BRSK2: variants seen among roughly 807,000 people sequenced by gnomAD.
BRSK2 encodes the protein serine/threonine-protein kinase BRSK2.
BRSK2 carries 19 observed loss-of-function variants against 83.3 expected under a neutral mutation model. The ratio of observed to expected loss-of-function variants is 0.23; its 90% CI spans 0.16 to 0.33. The LOEUF is 0.33. Ranked by LOEUF, BRSK2 falls within the 10% of genes least tolerant of loss-of-function variation. The pLI is 1.00. For synonymous variants in BRSK2, 519 were observed against 435.4 expected, an observed-to-expected ratio of 1.19 and a Z score of -2.39; for missense variants, 798 against 1,042.3, an observed-to-expected ratio of 0.77 and a Z score of 3.23.
intron 1 of BRSK2, among the ~76,000 whole-genome samples, chr11:1,403,860 G>A (rs980538480): frequency 1.3e-5 from 2 of 152,196 alleles, no homozygotes; most frequent in African/African-American, 2.4e-5. Flanking sequence ...GGGGAAACAC[G>A]TTGAGCGCTT....
Position 1,444,966 on chromosome 11 carries a change from T to C in BRSK2, c.781-5T>C. ...TACTAACTCCCTGTTTCTCTTTCCTTGTAGCTAGAGCACATTCAGAAACAC... is the reference window on the plus strand; with the variant it reads ...TACTAACTCCCTGTTTCTCTTTCCTCGTAGCTAGAGCACATTCAGAAACAC... On this transcript the variant is annotated splice_polypyrimidine_tract_variant and splice_region_variant and intron_variant, in intron 8 of 19. Coordinates refer to ENST00000528841, the MANE Select transcript of BRSK2 (RefSeq NM_001256627.2). 1 of 1,612,746 alleles carries C rather than the reference T, an allele frequency of 6.2e-7. No homozygotes were observed. Among genetic ancestry groups the C allele is most frequent in the Non-Finnish European group, 8.5e-7 (1 of 1,178,886 alleles).
chr11:1,428,761 CACGAGTGTGTGTGCACT>C (rs1435383328), intron 1 of BRSK2, among the ~76,000 whole-genome samples: 1 of 152,216 alleles, frequency 6.6e-6, no homozygotes, highest in Non-Finnish European at 1.5e-5. Flanking sequence ...ATGGTATGTG[CACGAGTGTGTGTGCACT>C]GCGGGTGTGT....
At chr11:1,420,265 G>C (rs1848521539) in intron 1 of BRSK2, among the ~76,000 whole-genome samples, 1 of 152,240 alleles carries the variant, frequency 6.6e-6, no homozygotes, top group South Asian at 2.1e-4. Context: ...GCTCTGCTGG[G>C]TGTGACCCCA....
rs796478083 is a variant in BRSK2, at chr11:1,394,462, A to C, written c.91+4087A>C. 1.3e-3 allele frequency among the ~76,000 whole-genome samples: 67 copies of C among 51,398 alleles called. 2 individuals carry two copies. Among genetic ancestry groups the C allele is most frequent in the African/African-American group, 6.5e-3 (54 of 8,328 alleles). 33.7% of individuals were successfully genotyped at this position (51,398 alleles called of 152,430 possible). On this transcript the variant is annotated intron_variant, in intron 1 of 19. Coordinates refer to ENST00000528841, the MANE Select transcript of BRSK2 (RefSeq NM_001256627.2). Reference sequence around the variant, plus strand: ...TGGAGATGGGTCCTGGAGATGGGCCATGGAGATGGGTCCTGGAGATGGGCC... The same window carrying C: ...TGGAGATGGGTCCTGGAGATGGGCCCTGGAGATGGGTCCTGGAGATGGGCC...
intron 1 of BRSK2, among the ~76,000 whole-genome samples, chr11:1,392,750 T>C (rs532384975): frequency 6.6e-6 from 1 of 152,348 alleles, no homozygotes; most frequent in African/African-American, 2.4e-5. Context: ...TGTCTTCTTC[T>C]GCCTTTCAGC....
At chr11:1,402,049 G>A (rs1005637221) in intron 1 of BRSK2, among the ~76,000 whole-genome samples, 1 of 152,182 alleles carries the variant, frequency 6.6e-6, no homozygotes, top group Non-Finnish European at 1.5e-5. Context: ...CACCCCTCGT[G>A]CCCCGCCAGG....
chr11:1,451,503 A>T (rs1015708493), intron 15 of BRSK2, 84 bp downstream of exon 15: 3 of 1,419,824 alleles, frequency 2.1e-6, no homozygotes, highest in Non-Finnish European at 3.0e-6. Flanking sequence ...CCTATGGCCA[A>T]CGGGGTGCTC....
intron 15 of BRSK2, chr11:1,453,819 G>C (rs958228330): frequency 6.6e-6 from 1 of 152,348 alleles, no homozygotes; most frequent in African/African-American, 2.4e-5. Flanking sequence ...GGCAGGGGAC[G>C]CCAGCAGAGC....
chr11:1,460,558 C>T lies in BRSK2; in HGVS notation c.2046C>T (p.Asn682=), dbSNP rs748939987. Residue 682 remains asparagine, a synonymous_variant, in exon 20 of 20, where the codon AAC becomes AAT. Coordinates refer to ENST00000528841, the MANE Select transcript of BRSK2 (RefSeq NM_001256627.2). ...AACAACTTTTTTCAGACGAGAAGAACGGGCAGGCGGCCCAGGCCCCCAGCA... is the reference window on the plus strand; with the variant it reads ...AACAACTTTTTTCAGACGAGAAGAATGGGCAGGCGGCCCAGGCCCCCAGCA... ...VIKQLFSDEK[N]GQAAQAPSTP... 4.1e-5 allele frequency: 63 copies of T among 1,526,952 alleles called. 1 individual carries two copies. In the South Asian group the frequency reaches 6.2e-4, roughly 15 times the overall value. 94.6% of individuals were successfully genotyped at this position (1,526,952 alleles called of 1,614,324 possible).
chr11:1,457,397 G>A (rs571685342), intron 18 of BRSK2, among the ~76,000 whole-genome samples: 1 of 152,300 alleles, frequency 6.6e-6, no homozygotes, highest in Admixed American at 6.5e-5. Flanking sequence ...ACCACAGCCT[G>A]ATGGGCTCAC....
intron 1 of BRSK2, among the ~76,000 whole-genome samples, chr11:1,426,984 C>T (rs1006932666): frequency 3.3e-5 from 5 of 152,134 alleles, no homozygotes; most frequent in African/African-American, 9.7e-5. Context: ...TAGTCTGGTG[C>T]GTGCCGGGGC....
intron 17 of BRSK2, 29 bp from the exon 18 acceptor site, chr11:1,456,569 T>A (rs762039602): frequency 1.9e-6 from 3 of 1,607,506 alleles, no homozygotes; most frequent in Non-Finnish European, 2.5e-6. Flanking sequence ...CCCAGGCCCG[T>A]CCAGGGCATA....
chr11:1,411,463 C>T, intron 1 of BRSK2: 3 of 1,472,746 alleles, frequency 2.0e-6, no homozygotes, highest in Middle Eastern at 1.8e-4. Flanking sequence ...TGCATCTGTC[C>T]TTCCTCCCTC....
At chr11:1,407,827 A>C (rs1210314410) in intron 1 of BRSK2, among the ~76,000 whole-genome samples, 1 of 152,218 alleles carries the variant, frequency 6.6e-6, no homozygotes, top group African/African-American at 2.4e-5. Flanking sequence ...GGGCTTTCCC[A>C]GAGTGTGGGG....
At chr11:1,449,528 G>T (rs895797261) in intron 12 of BRSK2, among the ~76,000 whole-genome samples, 3 of 152,188 alleles carry the variant, frequency 2.0e-5, no homozygotes, top group African/African-American at 4.8e-5. Context: ...ATCCTGTGCT[G>T]TGCCTGGGCT....
chr11:1,399,788 G>A (rs968793398), intron 1 of BRSK2, among the ~76,000 whole-genome samples: 5 of 152,158 alleles, frequency 3.3e-5, no homozygotes, highest in Admixed American at 2.0e-4. Flanking sequence ...CCCCGGTGCC[G>A]TCGGGCCCAG....
intron 1 of BRSK2, chr11:1,411,631 C>T: frequency 6.5e-7 from 1 of 1,545,990 alleles, no homozygotes; most frequent in Non-Finnish European, 8.7e-7. Flanking sequence ...CCCAGCCCAG[C>T]AGGTGCGTGC....
At chr11:1,414,916 G>T (rs9971385) in intron 1 of BRSK2, among the ~76,000 whole-genome samples, 1 of 151,906 alleles carries the variant, frequency 6.6e-6, no homozygotes, top group African/African-American at 2.4e-5. Context: ...GAGGCTGAAC[G>T]CACTTACCTG....
intron 1 of BRSK2, among the ~76,000 whole-genome samples, chr11:1,402,781 G>A (rs1053011151): frequency 2.0e-5 from 3 of 152,182 alleles, no homozygotes; most frequent in African/African-American, 7.2e-5. Context: ...AGTGGAGTGG[G>A]GGCAGCTGAC....
Sources: gnomAD v4.1 joint callset for allele counts (sites outside exome capture counted in the v4.1 genomes callset) on GRCh38, gnomAD v4.1.1 for gene constraint, MANE v1.5 for transcripts, NCBI Gene and HGNC (gene_info 2026-07-23, HGNC 2026-07-21) for gene names.